NFIA: variants seen among roughly 807,000 people sequenced by gnomAD.
The protein encoded by NFIA is nuclear factor I A, also known as nuclear factor 1 A-type.
Under a neutral mutation model 62.8 loss-of-function variants are expected in NFIA, and 8 were observed. The ratio of observed to expected loss-of-function variants is 0.13; its 90% CI spans 0.07 to 0.23. The LOEUF (loss-of-function observed/expected upper bound fraction) is 0.23. Among genes scored for constraint, NFIA ranks in the 10% least tolerant of loss-of-function variants. The pLI is 1.00. For synonymous variants in NFIA, 235 were observed against 238.1 expected, an observed-to-expected ratio of 0.99 and a Z score of 0.12; for missense variants, 410 against 642.1, an observed-to-expected ratio of 0.64 and a Z score of 3.91.
intron 3 of NFIA, among the ~76,000 whole-genome samples, chr1:61,280,832 A>G (rs1022898400): frequency 6.6e-5 from 10 of 152,236 alleles, no homozygotes; most frequent in African/African-American, 2.2e-4. Context: ...AATTGGTATA[A>G]TATAATGGGT....
At chr1:61,430,385 TGTA>T (rs778380964) in intron 10 of NFIA, among the ~76,000 whole-genome samples, 5 of 152,226 alleles carry the variant, frequency 3.3e-5, no homozygotes, top group Non-Finnish European at 5.9e-5. Flanking sequence ...AAAAATCACT[TGTA>T]GTCCTACTGT....
chr1:61,443,024 G>A (rs1667654366), intron 10 of NFIA, among the ~76,000 whole-genome samples: 1 of 152,078 alleles, frequency 6.6e-6, no homozygotes, highest in South Asian at 2.1e-4. Context: ...CATTTAATTT[G>A]GTTTTAGAAA....
At chr1:61,095,926 C>G (rs1646403336) in intron 2 of NFIA, among the ~76,000 whole-genome samples, 1 of 151,658 alleles carries the variant, frequency 6.6e-6, no homozygotes, top group East Asian at 1.9e-4. Context: ...TCTAATTTCC[C>G]CTATACATTA....
chr1:61,413,824 C>T (rs1201179103), intron 9 of NFIA, among the ~76,000 whole-genome samples: 6 of 151,604 alleles, frequency 4.0e-5, no homozygotes, highest in Non-Finnish European at 7.4e-5. Context: ...GACAGGGTTT[C>T]GCCATATTGG....
chr1:61,308,652 C>T (rs1247327294), intron 3 of NFIA, among the ~76,000 whole-genome samples: 1 of 152,136 alleles, frequency 6.6e-6, no homozygotes, highest in Non-Finnish European at 1.5e-5. Flanking sequence ...CTGGCTTTGT[C>T]CTTTTCTAGT....
chr1:61,294,752 T>A (rs144564050), intron 3 of NFIA, among the ~76,000 whole-genome samples: 33 of 152,308 alleles, frequency 2.2e-4, no homozygotes, highest in African/African-American at 7.2e-4. Context: ...CTAAATGCAT[T>A]TCTTATGCTT....
At chr1:61,281,245 AAAAAG>A (rs1464468668) in intron 3 of NFIA, among the ~76,000 whole-genome samples, 158 of 152,194 alleles carry the variant, frequency 1.0e-3, no homozygotes, top group African/African-American at 3.5e-3. Flanking sequence ...CTCAAAAAAA[AAAAAG>A]AAAAGAAAAG....
At chr1:61,214,708 T>C (rs1374645137) in intron 2 of NFIA, among the ~76,000 whole-genome samples, 1 of 152,178 alleles carries the variant, frequency 6.6e-6, no homozygotes, top group Non-Finnish European at 1.5e-5. Context: ...CTCTATAATA[T>C]ATAGTAGCTA....
rs578068383 is a variant in NFIA, at chr1:61,458,449, C to T, written c.*3129C>T. ...CTGCAAAGAGAGAGAATAAACTGCCCGCTCAGAAGATATGTAATTTGTATT... is the reference window on the plus strand; with the variant it reads ...CTGCAAAGAGAGAGAATAAACTGCCTGCTCAGAAGATATGTAATTTGTATT... On this transcript the variant is annotated 3_prime_UTR_variant, in exon 11 of 11. Coordinates refer to ENST00000403491, the MANE Select transcript of NFIA (RefSeq NM_001134673.4). The T allele has an allele frequency of 1.6e-4, 24 of 152,132 alleles. No individual in the cohort carries two copies. Among genetic ancestry groups the T allele is most frequent in the Non-Finnish European group, 2.6e-4 (18 of 67,976 alleles). The allele number at this position is 152,132 out of a possible 1,614,324, so 9.4% of individuals were successfully genotyped here. A position where few individuals can be genotyped will look rare whatever the true frequency, so the allele number is the denominator to read the frequency against.
intron 6 of NFIA, among the ~76,000 whole-genome samples, chr1:61,382,139 A>T (rs1190479258): frequency 6.6e-6 from 1 of 152,132 alleles, no homozygotes; most frequent in African/African-American, 2.4e-5. Flanking sequence ...TTGTCCCCTG[A>T]TGCGGAGACT....
chr1:61,209,833 A>G (rs1294968792), intron 2 of NFIA, among the ~76,000 whole-genome samples: 1 of 152,164 alleles, frequency 6.6e-6, no homozygotes, highest in Non-Finnish European at 1.5e-5. Context: ...AGCCTGGGCA[A>G]CAGAGCAAGA....
intron 3 of NFIA, among the ~76,000 whole-genome samples, chr1:61,295,967 T>A (rs531749903): frequency 6.6e-6 from 1 of 152,302 alleles, no homozygotes; most frequent in Middle Eastern, 3.4e-3. Flanking sequence ...GCATAAGAAA[T>A]GCACACTCCT....
At chr1:61,085,629 T>C (rs529430474) in intron 1 of NFIA, among the ~76,000 whole-genome samples, 2 of 152,246 alleles carry the variant, frequency 1.3e-5, no homozygotes, top group African/African-American at 2.4e-5. Flanking sequence ...CTAATGATAC[T>C]CTTTAGTTTT....
intron 2 of NFIA, among the ~76,000 whole-genome samples, chr1:61,104,444 C>T (rs1329207205): frequency 6.6e-6 from 1 of 152,092 alleles, no homozygotes; most frequent in Admixed American, 6.6e-5. Flanking sequence ...AATTTTCCCT[C>T]ATTAAAACTG....
chr1:61,397,616 A>G lies in NFIA; in HGVS notation c.1076-6488A>G, dbSNP rs150514958. Among the ~76,000 whole-genome samples, 7 of 152,316 alleles carry G rather than the reference A, an allele frequency of 4.6e-5. No individual in the cohort carries two copies. In the East Asian group the frequency reaches 1.3e-3, roughly 29 times the overall value. ...GATCAGAAACTGTGCCGTGTGCCTT[A>G]TATACATTGTCTCATTTAGTCTTCA... On this transcript the variant is annotated intron_variant, in intron 7 of 10. Coordinates refer to ENST00000403491, the MANE Select transcript of NFIA (RefSeq NM_001134673.4).
chr1:61,252,120 C>A (rs1178374492), intron 2 of NFIA, among the ~76,000 whole-genome samples: 2 of 152,192 alleles, frequency 1.3e-5, no homozygotes, highest in Non-Finnish European at 2.9e-5. Flanking sequence ...TTCCTACTCA[C>A]AATATCCATT....
intron 3 of NFIA, among the ~76,000 whole-genome samples, chr1:61,327,624 G>GGT (rs1386114355): frequency 6.6e-6 from 1 of 151,850 alleles, no homozygotes; most frequent in Non-Finnish European, 1.5e-5. Flanking sequence ...AGTATTCCAT[G>GGT]GTATATATAT....
At chr1:61,397,865 C>T (rs965733743) in intron 7 of NFIA, among the ~76,000 whole-genome samples, 1 of 152,228 alleles carries the variant, frequency 6.6e-6, no homozygotes, top group Non-Finnish European at 1.5e-5. Context: ...TCAGCCAGCA[C>T]AGACCAAGGC....
At chr1:61,315,933 A>G (rs982868886) in intron 3 of NFIA, among the ~76,000 whole-genome samples, 7 of 152,210 alleles carry the variant, frequency 4.6e-5, no homozygotes, top group Admixed American at 6.5e-5. Context: ...TGTCGTGAAC[A>G]AATAAGATGC....
Sources: allele counts gnomAD v4.1 joint callset (sites outside exome capture counted in the v4.1 genomes callset), GRCh38; gene constraint gnomAD v4.1.1; transcripts MANE v1.5; gene names NCBI Gene and HGNC (gene_info 2026-07-23, HGNC 2026-07-21).